MED6: variants seen among roughly 807,000 people sequenced by gnomAD.
MED6 encodes mediator complex subunit 6, also known as mediator of RNA polymerase II transcription subunit 6.
MED6 carries 33 observed loss-of-function variants against 37.5 expected under a neutral mutation model. The observed-to-expected ratio is 0.88, with a 90% CI of 0.67 to 1.18. The LOEUF (loss-of-function observed/expected upper bound fraction) is 1.18. Ranked by LOEUF, MED6 falls within the 50% of genes most tolerant of loss-of-function variation. The pLI is 0.00. For missense variants in MED6, 235 were observed against 290.6 expected (o/e 0.81, Z 1.39); for synonymous variants, 94 against 93.6 (o/e 1.00, Z -0.02).
At chr14:70,587,216 A>C (rs940565174) in intron 6 of MED6, among the ~76,000 whole-genome samples, 3 of 152,214 alleles carry the variant, frequency 2.0e-5, no homozygotes, top group African/African-American at 7.2e-5. Flanking sequence ...AGGAGAAAGT[A>C]TAAGAAAGCC....
intron 2 of MED6, 186 bp from the exon 3 acceptor site, chr14:70,596,888 A>G (rs1294459054): frequency 4.0e-6 from 2 of 496,354 alleles, no homozygotes; most frequent in South Asian, 6.7e-5. Context: ...ATATAGATAA[A>G]GTAAGACTTG....
intron 2 of MED6, 125 bp downstream of exon 2, chr14:70,597,493 C>T: frequency 1.2e-6 from 1 of 801,926 alleles, no homozygotes; most frequent in Non-Finnish European, 1.7e-6. Context: ...TTTGCATAAA[C>T]CCAAACAAAA....
intron 3 of MED6, chr14:70,596,376 T>C (rs916261935): frequency 7.7e-6 from 3 of 391,612 alleles, no homozygotes; most frequent in Admixed American, 3.8e-5. Context: ...CCACCTGACA[T>C]GTCTTTTTCC....
At position 70,595,065 on chromosome 14, in the gene MED6, G is replaced by A. The variant is rs1885001707; in HGVS notation, c.274+1546C>T. The A allele has an allele frequency of 5.5e-6, 3 of 550,386 alleles. No individual in the cohort carries two copies. The East Asian group carries it at 1.4e-4, about 26-fold the overall frequency. 34.1% of individuals were successfully genotyped at this position (550,386 alleles called of 1,614,324 possible). On this transcript the variant is annotated intron_variant, in intron 3 of 7. Coordinates refer to ENST00000256379, the MANE Select transcript of MED6 (RefSeq NM_005466.4). ...CTGATAGAGTCAAGTATGAGACAGA[G>A]CTGGCCATGTATCAGTCTGTGGAGA...
chr14:70,583,846 T>A lies in MED6; in HGVS notation c.*967A>T. ...GCAAGCACACTCAGCCCCCTTGCCA[T>A]GAGATACCCTGTGCTGCCTAGGGAC... On this transcript the variant is annotated 3_prime_UTR_variant, in exon 8 of 8. Transcript: ENST00000256379. 2.9e-6 allele frequency: 1 copy of A among 344,778 alleles called. No homozygotes were observed. The highest frequency in any genetic ancestry group is 5.2e-6 in the Non-Finnish European group (1 of 193,252). The allele number at this position is 344,778 out of a possible 1,614,324, so 21.4% of individuals were successfully genotyped here. A position where few individuals can be genotyped will look rare whatever the true frequency, so the allele number is the denominator to read the frequency against.
At chr14:70,595,803 A>C (rs2139601612) in intron 3 of MED6, 1 of 698,720 alleles carries the variant, frequency 1.4e-6, no homozygotes. Context: ...TCTGAGACCA[A>C]CAACATCAAA....
In MED6 at chr14:70,594,556, G is replaced by A. The variant is rs73283980; in HGVS notation, c.275-1178C>T. 2,317 of 403,468 alleles carry A rather than the reference G, an allele frequency of 5.7e-3. 21 individuals carry two copies. The highest frequency in any genetic ancestry group is 0.03 in the African/African-American group (1,451 of 47,964). The allele number at this position is 403,468 out of a possible 1,614,324, so 25.0% of individuals were successfully genotyped here. ...TCACTCTCCTCCCCAGACAGCATGAGTTTCACCACTCACTCCACCTTCTCC... is the reference window on the plus strand; with the variant it reads ...TCACTCTCCTCCCCAGACAGCATGAATTTCACCACTCACTCCACCTTCTCC... On this transcript the variant is annotated intron_variant, in intron 3 of 7. Coordinates refer to ENST00000256379, the MANE Select transcript of MED6 (RefSeq NM_005466.4).
chr14:70,583,937 G>C lies in MED6; in HGVS notation c.*876C>G. 2.3e-6 allele frequency: 1 copy of C among 439,678 alleles called. No homozygotes were observed. The highest frequency in any genetic ancestry group is 6.2e-5 in the South Asian group (1 of 16,088). 27.2% of individuals were successfully genotyped at this position (439,678 alleles called of 1,614,324 possible). ...GAGCCAATCAATGCTGGACTTCTCA[G>C]CCTCCATAACTTTAAAAAAAATAAA... On this transcript the variant is annotated 3_prime_UTR_variant, in exon 8 of 8. Coordinates refer to ENST00000256379, the MANE Select transcript of MED6 (RefSeq NM_005466.4).
chr14:70,585,825 A>T (rs1478843746), intron 6 of MED6, 42 bp from the exon 7 acceptor site: 3 of 1,578,048 alleles, frequency 1.9e-6, no homozygotes, highest in African/African-American at 2.7e-5. Flanking sequence ...GAAGAGGAAA[A>T]AGAAGAAAAC....
intron 6 of MED6, among the ~76,000 whole-genome samples, chr14:70,586,496 CCAA>C (rs1884711711): frequency 6.6e-6 from 1 of 152,158 alleles, no homozygotes; most frequent in African/African-American, 2.4e-5. Context: ...AACCAGGATG[CCAA>C]CACCACCAAC....
At chr14:70,591,885 G>T (rs1486820187) in intron 5 of MED6, 1 of 152,364 alleles carries the variant, frequency 6.6e-6, no homozygotes, top group Non-Finnish European at 1.5e-5. Flanking sequence ...AAAAAGAAAA[G>T]AACCTGAAAG....
At chr14:70,589,364 C>A (rs981712059) in intron 6 of MED6, among the ~76,000 whole-genome samples, 1 of 152,148 alleles carries the variant, frequency 6.6e-6, no homozygotes, top group African/African-American at 2.4e-5. Flanking sequence ...AGCATCCCCC[C>A]CATACTGTTA....
At chr14:70,599,937 G>A (rs986662297) in intron 1 of MED6, among the ~76,000 whole-genome samples, 16 of 151,970 alleles carry the variant, frequency 1.1e-4, no homozygotes, top group African/African-American at 3.6e-4. Flanking sequence ...ATTAAAAAAA[G>A]GCATCTCAAA....
chr14:70,584,988 G>A (rs1884663044), intron 7 of MED6, 45 bp from the exon 8 acceptor site: 3 of 1,589,070 alleles, frequency 1.9e-6, no homozygotes, highest in Non-Finnish European at 2.6e-6. Flanking sequence ...TATGGGTGGG[G>A]GGAATGAGAT....
chr14:70,585,687 T>C (rs952838978), intron 7 of MED6, 69 bp downstream of exon 7: 9 of 1,372,060 alleles, frequency 6.6e-6, no homozygotes, highest in Non-Finnish European at 7.0e-6. Flanking sequence ...TCACATGCTA[T>C]ACTTGTGATT....
chr14:70,592,819 A>C (rs1400111596), intron 5 of MED6, 61 bp downstream of exon 5: 3 of 1,573,160 alleles, frequency 1.9e-6, no homozygotes, highest in African/African-American at 2.7e-5. Flanking sequence ...TTCCTAAAGA[A>C]AACAGCTTCA....
chr14:70,598,376 G>A (rs1435522177), intron 1 of MED6, among the ~76,000 whole-genome samples: 2 of 152,148 alleles, frequency 1.3e-5, no homozygotes, highest in Non-Finnish European at 2.9e-5. Context: ...TCGGGAGGCT[G>A]TGGCAGGAGA....
At chr14:70,587,335 T>C (rs911055352) in intron 6 of MED6, among the ~76,000 whole-genome samples, 4 of 152,232 alleles carry the variant, frequency 2.6e-5, no homozygotes, top group African/African-American at 9.6e-5. Flanking sequence ...AACTACATGC[T>C]GAGTCCTCTG....
Position 70,583,829 on chromosome 14 carries a change from A to G in MED6, c.*984T>C, listed in dbSNP as rs72719762. The G allele has an allele frequency of 0.039, 13,618 of 349,384 alleles. 358 individuals carry two copies. The highest frequency in any genetic ancestry group is 0.055 in the Non-Finnish European group (10,802 of 195,684). The allele number at this position is 349,384 out of a possible 1,614,324, so 21.6% of individuals were successfully genotyped here. A position where few individuals can be genotyped will look rare whatever the true frequency, so the allele number is the denominator to read the frequency against. On this transcript the variant is annotated 3_prime_UTR_variant, in exon 8 of 8. Transcript: ENST00000256379. ...AAAAGCATCTACATGCAGCAAGCAC[A>G]CTCAGCCCCCTTGCCATGAGATACC... is the stretch of plus-strand genomic sequence containing the variant.
Sources: allele counts gnomAD v4.1 joint callset (sites outside exome capture counted in the v4.1 genomes callset), GRCh38; gene constraint gnomAD v4.1.1; transcripts MANE v1.5; gene names NCBI Gene and HGNC (gene_info 2026-07-23, HGNC 2026-07-21).